The following PAK3 variants were observed in gnomAD, a reference collection of about 807,000 sequenced individuals.
PAK3 encodes serine/threonine-protein kinase PAK 3.
PAK3 carries 4 observed loss-of-function variants against 41.0 expected under a neutral mutation model. The observed-to-expected ratio is 0.10, with a 90% CI of 0.05 to 0.22. PAK3 has a LOEUF of 0.22. Among genes scored for constraint, PAK3 ranks in the 10% least tolerant of loss-of-function variants. The pLI, the probability that PAK3 is intolerant of heterozygous loss-of-function variation, is 1.00. For synonymous variants in PAK3, 146 were observed against 139.6 expected (o/e 1.05, Z -0.32); for missense variants, 205 against 409.9 (o/e 0.50, Z 4.32).
chrX:111,182,149 G>GC (rs2149279171), intron 11 of PAK3, among the ~76,000 whole-genome samples: 1 of 111,155 alleles, frequency 9.0e-6, no homozygotes, highest in Admixed American at 9.6e-5. Context: ...TAAGCCACCT[G>GC]CCCCCCTTTC....
At chrX:111,214,295 G>T (rs1158377741) in intron 16 of PAK3, among the ~76,000 whole-genome samples, 2 of 111,643 alleles carry the variant, frequency 1.8e-5, no homozygotes, top group Admixed American at 9.5e-5. Flanking sequence ...CTCAGCCAGG[G>T]ATTCTCATTG....
chrX:110,947,383 A>C (rs896632381), intron 1 of PAK3, among the ~76,000 whole-genome samples: 1 of 111,785 alleles, frequency 8.9e-6, no homozygotes, highest in Non-Finnish European at 1.9e-5. Context: ...TCTAAGATAC[A>C]TTCTCCAAAG....
At chrX:110,991,182 T>C (rs1265885694) in intron 1 of PAK3, among the ~76,000 whole-genome samples, 5 of 110,681 alleles carry the variant, frequency 4.5e-5, no homozygotes, top group African/African-American at 1.6e-4. Context: ...AGGTTAAGTG[T>C]GGGCACAGGT....
intron 1 of PAK3, among the ~76,000 whole-genome samples, chrX:111,080,315 C>G (rs1376380565): frequency 8.9e-6 from 1 of 111,776 alleles, no homozygotes; most frequent in African/African-American, 3.3e-5. Flanking sequence ...ACAGCAACCA[C>G]CACCCTGATC....
chrX:110,984,991 T>C (rs945661787), intron 1 of PAK3, among the ~76,000 whole-genome samples: 3 of 111,145 alleles, frequency 2.7e-5, no homozygotes. Context: ...TAGCCAGGCG[T>C]GTTGGTGCAC....
At chrX:111,143,765 T>A (rs1298235824) in intron 6 of PAK3, among the ~76,000 whole-genome samples, 2 of 112,003 alleles carry the variant, frequency 1.8e-5, no homozygotes, top group East Asian at 5.6e-4. Context: ...TTTATAAAAA[T>A]TTTGCCTAAT....
intron 8 of PAK3, among the ~76,000 whole-genome samples, chrX:111,156,859 T>C (rs1362820488): frequency 8.9e-6 from 1 of 112,263 alleles, no homozygotes; most frequent in Non-Finnish European, 1.9e-5. Context: ...CTCTACTCTT[T>C]AATTTGAGGC....
At chrX:111,010,654 A>G (rs1206163143) in intron 1 of PAK3, among the ~76,000 whole-genome samples, 2 of 111,194 alleles carry the variant, frequency 1.8e-5, no homozygotes, top group Middle Eastern at 4.6e-3. Context: ...CTCTCTCACC[A>G]TGTGATATGC....
At chrX:111,168,398 G>A (rs993677654) in intron 10 of PAK3, among the ~76,000 whole-genome samples, 2 of 110,669 alleles carry the variant, frequency 1.8e-5, no homozygotes, top group Admixed American at 9.7e-5. Flanking sequence ...TTTCTTTATC[G>A]TAATTTACAA....
intron 10 of PAK3, among the ~76,000 whole-genome samples, chrX:111,171,721 G>C (rs753932767): frequency 1.1e-4 from 12 of 111,621 alleles, no homozygotes; most frequent in African/African-American, 3.9e-4. Flanking sequence ...AGGGAAGATG[G>C]GGAGTAACTG....
intron 1 of PAK3, among the ~76,000 whole-genome samples, chrX:111,072,232 C>T (rs2092750826): frequency 8.9e-6 from 1 of 112,664 alleles, no homozygotes; most frequent in African/African-American, 3.2e-5. Flanking sequence ...AATCATTTCC[C>T]AACCACTTAT....
rs549076974 is a variant in PAK3 at position 111,144,104 on chromosome X, C to T, written c.276+1908C>T. Among the ~76,000 whole-genome samples the T allele has an allele frequency of 4.0e-4, 45 of 111,583 alleles. 1 individual carries two copies. The South Asian group carries it at 0.017, about 42-fold the overall frequency. ...ACCACCATCTTGCTGACTGCAGCAC[C>T]AGTCATTTTCAATTTGCTGTCAATT... is the stretch of plus-strand genomic sequence containing the variant. On this transcript the variant is annotated intron_variant, in intron 6 of 17. Coordinates refer to ENST00000372007, the MANE Select transcript of PAK3 (RefSeq NM_002578.5).
chrX:111,017,915 A>G (rs1000892107), intron 1 of PAK3, among the ~76,000 whole-genome samples: 2 of 111,530 alleles, frequency 1.8e-5, no homozygotes, highest in African/African-American at 6.5e-5. Context: ...CCTCAAATGC[A>G]TTGATGGGTC....
At chrX:111,088,118 G>C (rs1189071765) in intron 1 of PAK3, among the ~76,000 whole-genome samples, 5 of 111,569 alleles carry the variant, frequency 4.5e-5, no homozygotes, top group African/African-American at 1.6e-4. Context: ...AGGGGTAGGG[G>C]CCAAGCACTA....
At chrX:111,012,791 A>AT (rs1323538377) in intron 1 of PAK3, among the ~76,000 whole-genome samples, 8 of 111,259 alleles carry the variant, frequency 7.2e-5, no homozygotes, top group Non-Finnish European at 1.5e-4. Flanking sequence ...TTTTATTTGC[A>AT]TTTTTTTGAG....
At chrX:111,068,403 A>C (rs1407555634) in intron 1 of PAK3, among the ~76,000 whole-genome samples, 4 of 112,117 alleles carry the variant, frequency 3.6e-5, no homozygotes. Context: ...GGGCTCAAGC[A>C]ATCCTCCCAC....
intron 1 of PAK3, among the ~76,000 whole-genome samples, chrX:110,952,619 C>A (rs2090766958): frequency 9.1e-6 from 1 of 110,447 alleles, no homozygotes; most frequent in African/African-American, 3.3e-5. Context: ...ACAGCCCACC[C>A]CAGGGACGAT....
intron 1 of PAK3, among the ~76,000 whole-genome samples, chrX:111,066,528 A>C (rs2092703098): frequency 9.0e-6 from 1 of 111,562 alleles, no homozygotes; most frequent in African/African-American, 3.3e-5. Context: ...GATGAGAAAA[A>C]TGTATATTTT....
chrX:111,214,608 T>G (rs1407989874), intron 16 of PAK3, among the ~76,000 whole-genome samples: 6 of 111,429 alleles, frequency 5.4e-5, no homozygotes, highest in Non-Finnish European at 1.1e-4. Context: ...ACTGAAACTC[T>G]TGGGGTGGCT....
Sources: gnomAD v4.1 joint callset for allele counts (sites outside exome capture counted in the v4.1 genomes callset) on GRCh38, gnomAD v4.1.1 for gene constraint, MANE v1.5 for transcripts, NCBI Gene and HGNC (gene_info 2026-07-23, HGNC 2026-07-21) for gene names.